Variants in ZMAT4 observed in about 807,000 individuals in gnomAD.
ZMAT4 encodes the protein zinc finger matrin-type protein 4.
In ZMAT4, 17 loss-of-function variants were observed where a neutral mutation model predicts 28.7. That is an observed-to-expected ratio of 0.59 (90% confidence interval 0.41 to 0.89). ZMAT4 has a LOEUF of 0.89. Ranked by LOEUF, ZMAT4 falls within the 40% of genes least tolerant of loss-of-function variation. ZMAT4 has a pLI of 0.00. For missense variants in ZMAT4, 240 were observed against 283.8 expected, an observed-to-expected ratio of 0.85 and a Z score of 1.11; for synonymous variants, 117 against 109.2, an observed-to-expected ratio of 1.07 and a Z score of -0.44.
intron 5 of ZMAT4, among the ~76,000 whole-genome samples, chr8:40,612,837 A>G (rs1585757860): frequency 1.2e-5 from 1 of 80,144 alleles, no homozygotes; most frequent in African/African-American, 3.4e-5. Context: ...TTTGAGACGA[A>G]GTCTTGCTCT....
At chr8:40,662,587 T>C (rs1270282541) in intron 5 of ZMAT4, among the ~76,000 whole-genome samples, 1 of 152,168 alleles carries the variant, frequency 6.6e-6, no homozygotes, top group African/African-American at 2.4e-5. Context: ...GAGTGTTCCA[T>C]TTATTAGCTT....
intron 5 of ZMAT4, among the ~76,000 whole-genome samples, chr8:40,600,463 C>T (rs1218001004): frequency 6.6e-6 from 1 of 152,236 alleles, no homozygotes; most frequent in African/African-American, 2.4e-5. Flanking sequence ...TGGATTCCAG[C>T]CCACATAGCC....
chr8:40,846,620 C>A (rs1816909488), intron 1 of ZMAT4, among the ~76,000 whole-genome samples: 1 of 152,322 alleles, frequency 6.6e-6, no homozygotes, highest in East Asian at 1.9e-4. Context: ...TCCCCCTTGG[C>A]GTCCCCGTTT....
chr8:40,562,100 C>A (rs1264875163), intron 6 of ZMAT4, among the ~76,000 whole-genome samples: 1 of 152,208 alleles, frequency 6.6e-6, no homozygotes, highest in Non-Finnish European at 1.5e-5. Flanking sequence ...AACTTGTACC[C>A]ATTTAGCTGA....
chr8:40,535,523 G>A (rs192176874), intron 6 of ZMAT4, among the ~76,000 whole-genome samples: 5 of 152,178 alleles, frequency 3.3e-5, no homozygotes, highest in African/African-American at 7.2e-5. Flanking sequence ...ACAAAAATTA[G>A]CTGGGCATGG....
intron 5 of ZMAT4, among the ~76,000 whole-genome samples, chr8:40,668,931 A>T (rs1808557571): frequency 6.6e-6 from 1 of 151,894 alleles, no homozygotes; most frequent in Non-Finnish European, 1.5e-5. Flanking sequence ...AACACCATAA[A>T]TTCAACATTG....
intron 3 of ZMAT4, among the ~76,000 whole-genome samples, chr8:40,727,499 C>G (rs1017172414): frequency 6.6e-6 from 1 of 152,084 alleles, no homozygotes; most frequent in African/African-American, 2.4e-5. Context: ...GTATTTCTCC[C>G]GTGAAGCTTA....
intron 5 of ZMAT4, among the ~76,000 whole-genome samples, chr8:40,611,971 A>C (rs1805813759): frequency 6.6e-6 from 1 of 152,174 alleles, no homozygotes; most frequent in East Asian, 1.9e-4. Flanking sequence ...CCCCACTGTC[A>C]TTGTTGAAAG....
rs768949748 is a variant in ZMAT4, at chr8:40,697,205, G to T, written c.349+40C>A. 2.0e-6 allele frequency: 3 copies of T among 1,529,686 alleles called. No individual in the cohort carries two copies. The East Asian group carries it at 7.0e-5, about 36-fold the overall frequency. 94.8% of individuals were successfully genotyped at this position (1,529,686 alleles called of 1,614,324 possible). ...GATCTGCAAGACAGGCCAGCACTTG[G>T]TTTTCAGGGTCTCCCCACGATCACT... On this transcript the variant is annotated intron_variant, in intron 4 of 6. Coordinates refer to ENST00000297737, the MANE Select transcript of ZMAT4 (RefSeq NM_024645.3).
chr8:40,688,328 C>A (rs945089219), intron 4 of ZMAT4, among the ~76,000 whole-genome samples: 2 of 152,040 alleles, frequency 1.3e-5, no homozygotes. Flanking sequence ...TATTGGCATG[C>A]ACCTGTAATC....
chr8:40,642,339 G>C (rs990363022), intron 5 of ZMAT4, among the ~76,000 whole-genome samples: 5 of 152,138 alleles, frequency 3.3e-5, no homozygotes, highest in African/African-American at 1.2e-4. Context: ...CAAAAGTTAT[G>C]CTAGGTTATC....
chr8:40,820,909 G>GTATGTGTATGTT, intron 2 of ZMAT4, among the ~76,000 whole-genome samples: 1 of 146,138 alleles, frequency 6.8e-6, no homozygotes, highest in Non-Finnish European at 1.5e-5. Context: ...GTGTTTGTGT[G>GTATGTGTATGTT]TATGTGTGTG....
intron 6 of ZMAT4, among the ~76,000 whole-genome samples, chr8:40,553,848 A>AC (rs1803441481): frequency 6.6e-6 from 1 of 152,152 alleles, no homozygotes; most frequent in Non-Finnish European, 1.5e-5. Flanking sequence ...AAAGAAATTT[A>AC]CCAATTATTC....
intron 1 of ZMAT4, among the ~76,000 whole-genome samples, chr8:40,856,457 C>T (rs1817303210): frequency 6.6e-6 from 1 of 152,074 alleles, no homozygotes; most frequent in Non-Finnish European, 1.5e-5. Flanking sequence ...TACCACTTGG[C>T]AGGAGTACAG....
chr8:40,627,267 A>T (rs1022338708), intron 5 of ZMAT4, among the ~76,000 whole-genome samples: 1 of 152,192 alleles, frequency 6.6e-6, no homozygotes, highest in Non-Finnish European at 1.5e-5. Context: ...GCACACTAAG[A>T]ATGTATCATC....
In ZMAT4 at chr8:40,590,500, A is replaced by G. The variant is rs574805163; in HGVS notation, c.578-9239T>C. On this transcript the variant is annotated intron_variant, in intron 5 of 6. Transcript: ENST00000297737. ...GCTGAAAATCAAACGGCTCTTTTACAGTGTTCTCATTGGAATATGCATTCA... is the reference window on the plus strand; with the variant it reads ...GCTGAAAATCAAACGGCTCTTTTACGGTGTTCTCATTGGAATATGCATTCA... 4.4e-4 allele frequency among the ~76,000 whole-genome samples: 67 copies of G among 152,086 alleles called. 1 individual carries two copies. In the South Asian group the frequency reaches 0.014, roughly 31 times the overall value.
intron 3 of ZMAT4, among the ~76,000 whole-genome samples, chr8:40,745,635 C>T (rs188881208): frequency 1.5e-4 from 23 of 152,120 alleles, no homozygotes; most frequent in Non-Finnish European, 2.4e-4. Context: ...GAATAAGTGC[C>T]GAAAGAGGAC....
At chr8:40,887,490 G>GAA (rs35329610) in intron 1 of ZMAT4, among the ~76,000 whole-genome samples, 2,298 of 124,336 alleles carry the variant, frequency 0.018, 24 homozygotes, top group South Asian at 0.034. Context: ...CTTCATCTCA[G>GAA]AAAAAAAAAA....
intron 5 of ZMAT4, among the ~76,000 whole-genome samples, chr8:40,603,175 TAG>T (rs1301782725): frequency 5.9e-5 from 9 of 152,226 alleles, no homozygotes; most frequent in Admixed American, 2.0e-4. Context: ...ATTTGTTGAA[TAG>T]AGTGTCCTTT....
Sources: allele counts gnomAD v4.1 joint callset (sites outside exome capture counted in the v4.1 genomes callset), GRCh38; gene constraint gnomAD v4.1.1; transcripts MANE v1.5; gene names NCBI Gene and HGNC (gene_info 2026-07-23, HGNC 2026-07-21).